Variants in CREB5 observed in about 807,000 individuals in gnomAD.
CREB5 encodes the protein cAMP responsive element binding protein 5, also known as cyclic AMP-responsive element-binding protein 5.
A neutral mutation model predicts 57.1 loss-of-function variants in CREB5; 19 were observed. That is an observed-to-expected ratio of 0.33 (90% CI 0.23 to 0.49). CREB5 has a LOEUF of 0.49. Ranked by LOEUF, CREB5 falls within the 20% of genes least tolerant of loss-of-function variation. CREB5 has a pLI of 0.99. For missense variants in CREB5, 579 were observed against 671.6 expected (o/e 0.86, Z 1.52); for synonymous variants, 238 against 238.3 (o/e 1.00, Z 0.01).
intron 5 of CREB5, among the ~76,000 whole-genome samples, chr7:28,686,357 C>T (rs1562571140): frequency 6.6e-6 from 1 of 152,036 alleles, no homozygotes; most frequent in Non-Finnish European, 1.5e-5. Flanking sequence ...TCCTTCTCCT[C>T]TTTCCCCAGC....
rs185996842 is a variant in CREB5 at position 28,531,904 on chromosome 7, C to T, written c.291+24167C>T. ...ATTAGCCGGGTGTGGTGGCACGCACCTGTACTCCCAGCTACTCGGGAGGCT... is the reference window on the plus strand; with the variant it reads ...ATTAGCCGGGTGTGGTGGCACGCACTTGTACTCCCAGCTACTCGGGAGGCT... On this transcript the variant is annotated intron_variant, in intron 4 of 10. Transcript: ENST00000357727. 7.2e-5 allele frequency among the ~76,000 whole-genome samples: 11 copies of T among 152,260 alleles called. No individual in the cohort carries two copies. The East Asian group carries it at 1.5e-3, about 21-fold the overall frequency.
At chr7:28,394,398 G>A (rs2127998445) in intron 1 of CREB5, among the ~76,000 whole-genome samples, 1 of 152,042 alleles carries the variant, frequency 6.6e-6, no homozygotes, top group East Asian at 1.9e-4. Context: ...AGGGACTAAT[G>A]GAGTAGATTA....
chr7:28,476,661 A>G (rs925317046), intron 1 of CREB5, among the ~76,000 whole-genome samples: 11 of 152,222 alleles, frequency 7.2e-5, no homozygotes, highest in Non-Finnish European at 1.2e-4. Flanking sequence ...CATAAATAAT[A>G]CAGTTTTACT....
intron 9 of CREB5, among the ~76,000 whole-genome samples, chr7:28,810,763 T>C (rs1010978779): frequency 6.6e-6 from 1 of 152,176 alleles, no homozygotes; most frequent in Non-Finnish European, 1.5e-5. Flanking sequence ...CCACACCTAG[T>C]TCTCTGTGCA....
chr7:28,760,063 C>A (rs1805555960), intron 7 of CREB5, among the ~76,000 whole-genome samples: 1 of 152,140 alleles, frequency 6.6e-6, no homozygotes, highest in African/African-American at 2.4e-5. Flanking sequence ...AGGTAGACGC[C>A]AAGAGAAAGA....
rs568372074 is a variant in CREB5 at position 28,809,427 on chromosome 7, G to A, written c.1254+13G>A. ...CATGCAGCTTCAGGTGCAGCCCACGGTGTCTTTCCCCGCGACTCAAAGGCC... is the reference window on the plus strand; with the variant it reads ...CATGCAGCTTCAGGTGCAGCCCACGATGTCTTTCCCCGCGACTCAAAGGCC... On this transcript the variant is annotated intron_variant, in intron 9 of 10. Transcript: ENST00000357727. 1.3e-6 allele frequency: 2 copies of A among 1,595,144 alleles called. No individual in the cohort carries two copies. The highest frequency in any genetic ancestry group is 2.2e-5 in the South Asian group (2 of 89,018).
chr7:28,805,514 C>T (rs1808666392), intron 8 of CREB5, among the ~76,000 whole-genome samples: 1 of 152,166 alleles, frequency 6.6e-6, no homozygotes, highest in Admixed American at 6.5e-5. Flanking sequence ...CCTCTGTCAT[C>T]TGCCTCTGGA....
intron 4 of CREB5, among the ~76,000 whole-genome samples, chr7:28,548,865 CTT>C (rs1335744594): frequency 6.6e-6 from 1 of 152,164 alleles, no homozygotes; most frequent in Admixed American, 6.5e-5. Context: ...ATTTCAATAA[CTT>C]TTCTTCTGGC....
intron 4 of CREB5, among the ~76,000 whole-genome samples, chr7:28,545,394 G>A (rs1432913396): frequency 1.3e-5 from 2 of 152,202 alleles, no homozygotes; most frequent in Non-Finnish European, 2.9e-5. Context: ...TACTTATTGT[G>A]CAGGCAGTGC....
At chr7:28,537,915 A>T (rs1197943059) in intron 4 of CREB5, among the ~76,000 whole-genome samples, 1 of 152,228 alleles carries the variant, frequency 6.6e-6, no homozygotes, top group Non-Finnish European at 1.5e-5. Context: ...TAGACCTTTC[A>T]CTAGTAATTC....
intron 7 of CREB5, among the ~76,000 whole-genome samples, chr7:28,794,225 A>T (rs898944154): frequency 6.6e-6 from 1 of 152,264 alleles, no homozygotes; most frequent in Non-Finnish European, 1.5e-5. Flanking sequence ...AAAAGCTGGA[A>T]ATAAGCCCTT....
At chr7:28,627,030 TTAAAATTTCTAATTTCC>T (rs754980631) in intron 5 of CREB5, among the ~76,000 whole-genome samples, 8 of 152,244 alleles carry the variant, frequency 5.3e-5, no homozygotes, top group Non-Finnish European at 1.0e-4. Context: ...GACAAAGTTA[TTAAAATTTCTAATTTCC>T]TAAAATTTCT....
intron 1 of CREB5, among the ~76,000 whole-genome samples, chr7:28,325,188 G>C (rs1007643164): frequency 6.6e-6 from 1 of 152,216 alleles, no homozygotes; most frequent in African/African-American, 2.4e-5. Flanking sequence ...CGGGCGCAGT[G>C]GCTCACGCCT....
intron 5 of CREB5, among the ~76,000 whole-genome samples, chr7:28,612,546 GTGT>G (rs1562527195): frequency 2.3e-3 from 103 of 44,838 alleles, no homozygotes; most frequent in African/African-American, 0.013. Context: ...GAGAAGGGGT[GTGT>G]GTGTGTGTGT....
At chr7:28,559,662 C>T (rs1056867252) in intron 4 of CREB5, among the ~76,000 whole-genome samples, 6 of 152,140 alleles carry the variant, frequency 3.9e-5, no homozygotes, top group Non-Finnish European at 7.4e-5. Flanking sequence ...TGACCACGTG[C>T]CTGACTTAGA....
intron 6 of CREB5, among the ~76,000 whole-genome samples, chr7:28,721,789 C>G (rs138891548): frequency 4.6e-5 from 7 of 152,294 alleles, no homozygotes; most frequent in African/African-American, 1.7e-4. Context: ...GTTGTGATTT[C>G]TTATCTTGAA....
chr7:28,352,917 C>G, intron 1 of CREB5, among the ~76,000 whole-genome samples: 1 of 152,344 alleles, frequency 6.6e-6, no homozygotes, highest in South Asian at 2.1e-4. Context: ...AGACTTTACA[C>G]GTGTTCTCAT....
chr7:28,369,891 T>C (rs906498021), intron 1 of CREB5, among the ~76,000 whole-genome samples: 2 of 152,170 alleles, frequency 1.3e-5, no homozygotes, highest in African/African-American at 2.4e-5. Flanking sequence ...CAATAAATCA[T>C]GGGTACGTGA....
intron 5 of CREB5, among the ~76,000 whole-genome samples, chr7:28,714,526 C>A (rs1198040108): frequency 6.6e-6 from 1 of 152,164 alleles, no homozygotes; most frequent in Non-Finnish European, 1.5e-5. Flanking sequence ...TGCCCAAGGG[C>A]AAAGAAGACC....
Sources: allele counts gnomAD v4.1 joint callset (sites outside exome capture counted in the v4.1 genomes callset), GRCh38; gene constraint gnomAD v4.1.1; transcripts MANE v1.5; gene names NCBI Gene and HGNC (gene_info 2026-07-23, HGNC 2026-07-21).